NR2F1: variants seen among roughly 807,000 people sequenced by gnomAD.
NR2F1 encodes the protein COUP transcription factor 1.
In NR2F1, 1 loss-of-function variant was observed where a neutral mutation model predicts 37.7. The observed-to-expected ratio is 0.03, with a 90% CI of 0.01 to 0.13. The LOEUF (loss-of-function observed/expected upper bound fraction) is 0.13, where lower values mean the gene tolerates loss of function less well. Ranked by LOEUF, NR2F1 falls within the 10% of genes least tolerant of loss-of-function variation. NR2F1 has a pLI of 1.00. For missense variants in NR2F1, 268 were observed against 578.4 expected (o/e 0.46, Z 5.50); for synonymous variants, 275 against 259.6 (o/e 1.06, Z -0.57).
In NR2F1 at chr5:93,585,125, C is replaced by T. The variant is rs1471924234; in HGVS notation, c.102C>T (p.Gly34=). The T allele has an allele frequency of 1.4e-5, 14 of 1,007,476 alleles. No individual in the cohort carries two copies. The highest frequency in any genetic ancestry group is 1.8e-5 in the African/African-American group (1 of 57,034). 62.4% of individuals were successfully genotyped at this position (1,007,476 alleles called of 1,614,324 possible). The change falls in exon 1 of 3, where the codon GGC becomes GGT. Residue 34 remains glycine (G), a synonymous_variant. Transcript: ENST00000327111. The stretch of plus-strand genomic sequence containing the variant: ...CAGCGCAGGCGGCCCGCGGCGGCGG[C>T]GGCGGCGCCGGCGAGCAGCAGCAGC... The part of the protein sequence containing the change: ...NPAAQAARGG[G]GGAGEQQQQA...
In NR2F1 at chr5:93,585,184, C is replaced by T. The variant is rs779045243; in HGVS notation, c.161C>T (p.Thr54Ile). The change falls in exon 1 of 3, where the codon ACC (threonine) becomes ATC (isoleucine). Residue 54 changes from threonine (T) to isoleucine (I), a missense_variant. Physicochemically the swap from Thr to Ile is moderately conservative, Grantham distance 89. Around this residue, in one of 5 missense-constraint regions of NR2F1, gnomAD observed 90 missense variants for 106.5 expected, o/e 0.85. Coordinates refer to ENST00000327111, the MANE Select transcript of NR2F1 (RefSeq NM_005654.6). ...AGSGAPHTPQ[T>I]PGQPGAPATP... is the part of the protein sequence containing the mutation. ...TCGGGCGCGCCGCACACGCCGCAGA[C>T]CCCGGGCCAGCCCGGAGCGCCCGCC... 6.6e-7 allele frequency: 1 copy of T among 1,512,898 alleles called. No individual in the cohort carries two copies. Among genetic ancestry groups the T allele is most frequent in the Non-Finnish European group, 8.8e-7 (1 of 1,131,806 alleles). The allele number at this position is 1,512,898 out of a possible 1,614,324, so 93.7% of individuals were successfully genotyped here.
chr5:93,588,991 G>A (rs554308710), intron 2 of NR2F1, among the ~76,000 whole-genome samples: 3 of 152,170 alleles, frequency 2.0e-5, no homozygotes, highest in Non-Finnish European at 2.9e-5. Context: ...AGAAGAATAC[G>A]CACAAATAAA....
chr5:93,592,097 A>G (rs1325929419), intron 2 of NR2F1: 1 of 152,240 alleles, frequency 6.6e-6, no homozygotes, highest in Non-Finnish European at 1.5e-5. Flanking sequence ...GCTCGAGGCC[A>G]TAGCCTTGTA....
At position 93,585,051 on chromosome 5, in the gene NR2F1, G is replaced by T. The variant is rs1208119157; in HGVS notation, c.28G>T (p.Asp10Tyr). Residue 10 changes from aspartate to tyrosine, a missense_variant, in exon 1 of 3, where the codon GAT becomes TAT. By Grantham distance (160) the Asp-to-Tyr change is radical (BLOSUM62 -3). This residue lies in a region of NR2F1 where 90 missense variants were observed against 106.5 expected (regional missense o/e 0.85). Transcript: ENST00000327111. MAMVVSSWR[D>Y]PQDDVAGGNP... is the part of the protein sequence containing the mutation. The stretch of plus-strand genomic sequence containing the variant: ...GGCAATGGTAGTTAGCAGCTGGCGA[G>T]ATCCGCAGGACGACGTGGCCGGGGG... 9.7e-7 allele frequency: 1 copy of T among 1,036,182 alleles called. No homozygotes were observed. The highest frequency in any genetic ancestry group is 1.2e-6 in the Non-Finnish European group (1 of 863,406). The allele number at this position is 1,036,182 out of a possible 1,614,324, so 64.2% of individuals were successfully genotyped here. A position where few individuals can be genotyped will look rare whatever the true frequency, so the allele number is the denominator to read the frequency against.
In NR2F1 at chr5:93,593,443, CTTTT is replaced by C; in HGVS notation, c.992-116_992-113del. 9.2e-7 allele frequency: 1 copy of C among 1,086,206 alleles called. No individual in the cohort carries two copies. The highest frequency in any genetic ancestry group is 1.3e-6 in the Non-Finnish European group (1 of 753,996). The allele number at this position is 1,086,206 out of a possible 1,614,324, so 67.3% of individuals were successfully genotyped here. ...TGAATTTTTCTTTTCTCTTTTACTTCTTTTTTATTTTCCATTTTCTCCTTAAAAA... is the reference window on the plus strand; with the variant it reads ...TGAATTTTTCTTTTCTCTTTTACTTCTTATTTTCCATTTTCTCCTTAAAAA... On this transcript the variant is annotated intron_variant, in intron 2 of 2. Coordinates refer to ENST00000327111, the MANE Select transcript of NR2F1 (RefSeq NM_005654.6). The surrounding 1 kb of genome is among the most constrained non-coding windows in gnomAD (Gnocchi z 5.6).
chr5:93,592,630 C>T (rs986392857), intron 2 of NR2F1, among the ~76,000 whole-genome samples: 2 of 151,264 alleles, frequency 1.3e-5, no homozygotes, highest in Non-Finnish European at 2.9e-5. Context: ...CCACCAAAAG[C>T]TTATCTCCCC....
At chr5:93,591,106 G>A (rs1753321983) in intron 2 of NR2F1, among the ~76,000 whole-genome samples, 1 of 152,172 alleles carries the variant, frequency 6.6e-6, no homozygotes, top group Non-Finnish European at 1.5e-5. Flanking sequence ...GCACTACAAA[G>A]GCTAGGCCAG....
rs1753182518 is a variant in NR2F1 at position 93,584,251 on chromosome 5, C to T, written c.-773C>T. 6.7e-6 allele frequency: 1 copy of T among 149,066 alleles called. No individual in the cohort carries two copies. Among genetic ancestry groups the T allele is most frequent in the Admixed American group, 6.7e-5 (1 of 14,976 alleles). The allele number at this position is 149,066 out of a possible 1,614,324, so 9.2% of individuals were successfully genotyped here. A position where few individuals can be genotyped will look rare whatever the true frequency, so the allele number is the denominator to read the frequency against. On this transcript the variant is annotated 5_prime_UTR_variant, in exon 1 of 3. Transcript: ENST00000327111. ...GACTCCGGCCCGGGTCCCGGCTCCTCCAGCGGCGCTCGCCGCAGCAGCTCC... is the reference window on the plus strand; with the variant it reads ...GACTCCGGCCCGGGTCCCGGCTCCTTCAGCGGCGCTCGCCGCAGCAGCTCC...
Position 93,593,364 on chromosome 5 carries a change from T to C in NR2F1, c.992-198T>C, listed in dbSNP as rs1215412651. ...GTTTGATTTATTTTTATTTGTATTG[T>C]ATTGGGGGCGGGGGAGGAGGGAATG... On this transcript the variant is annotated intron_variant, in intron 2 of 2. Coordinates refer to ENST00000327111, the MANE Select transcript of NR2F1 (RefSeq NM_005654.6). The surrounding 1 kb of genome is among the most constrained non-coding windows in gnomAD (Gnocchi z 5.6). Among the ~76,000 whole-genome samples, 1 of 151,324 alleles carries C rather than the reference T, an allele frequency of 6.6e-6. No homozygotes were observed. Among genetic ancestry groups the C allele is most frequent in the African/African-American group, 2.4e-5 (1 of 41,134 alleles).
intron 2 of NR2F1, among the ~76,000 whole-genome samples, chr5:93,589,433 G>A (rs1753294327): frequency 6.6e-6 from 1 of 152,256 alleles, no homozygotes; most frequent in Non-Finnish European, 1.5e-5. Flanking sequence ...AGCAGGTAAT[G>A]GGGAGAAATA....
chr5:93,588,534 C>A (rs1753272307), intron 2 of NR2F1, 90 bp downstream of exon 2: 3 of 934,942 alleles, frequency 3.2e-6, no homozygotes, highest in East Asian at 1.6e-4. Flanking sequence ...GCCTCCCGCG[C>A]GGCCGGTGCG....
chr5:93,590,113 C>T (rs920716574), intron 2 of NR2F1, among the ~76,000 whole-genome samples: 5 of 152,232 alleles, frequency 3.3e-5, no homozygotes, highest in African/African-American at 1.2e-4. Flanking sequence ...GCTGCCTCAG[C>T]TCTGGCAGGC....
intron 1 of NR2F1, among the ~76,000 whole-genome samples, chr5:93,585,967 G>A (rs1378714574): frequency 6.6e-6 from 1 of 151,916 alleles, no homozygotes; most frequent in Non-Finnish European, 1.5e-5. Context: ...ATGGGGGAGG[G>A]CTGGGGGCTG....
rs772383390 is a variant in NR2F1 at position 93,585,188 on chromosome 5, G to C, written c.165G>C (p.Pro55=). 12 of 1,521,670 alleles carry C rather than the reference G, an allele frequency of 7.9e-6. No individual in the cohort carries two copies. In the South Asian group the frequency reaches 1.3e-4, roughly 17 times the overall value. The allele number at this position is 1,521,670 out of a possible 1,614,324, so 94.3% of individuals were successfully genotyped here. A position where few individuals can be genotyped will look rare whatever the true frequency, so the allele number is the denominator to read the frequency against. ...GCGCGCCGCACACGCCGCAGACCCCGGGCCAGCCCGGAGCGCCCGCCACCC... is the reference window on the plus strand; with the variant it reads ...GCGCGCCGCACACGCCGCAGACCCCCGGCCAGCCCGGAGCGCCCGCCACCC... ...GSGAPHTPQT[P]GQPGAPATPG... Residue 55 remains proline, a synonymous_variant, in exon 1 of 3, where the codon CCG becomes CCC. Coordinates refer to ENST00000327111, the MANE Select transcript of NR2F1 (RefSeq NM_005654.6).
At position 93,594,558 on chromosome 5, in the gene NR2F1, CAAGAAT is replaced by C. The variant is rs1753390546; in HGVS notation, c.*717_*722del. 6.6e-6 allele frequency: 1 copy of C among 152,002 alleles called. No homozygotes were observed. The highest frequency in any genetic ancestry group is 2.1e-4 in the South Asian group (1 of 4,808). The allele number at this position is 152,002 out of a possible 1,614,324, so 9.4% of individuals were successfully genotyped here. ...GATATATGTTGTCGAGGCTGTTCTT[CAAGAAT>C]TAAAATTGAAGTGAAAATTTAAACA... is the stretch of plus-strand genomic sequence containing the variant. On this transcript the variant is annotated 3_prime_UTR_variant, in exon 3 of 3. Transcript: ENST00000327111.
At chr5:93,589,181 T>C (rs778694149) in intron 2 of NR2F1, among the ~76,000 whole-genome samples, 1 of 152,154 alleles carries the variant, frequency 6.6e-6, no homozygotes, top group African/African-American at 2.4e-5. Context: ...TGAAGATGAA[T>C]TCCAAAGCTA....
rs1055158846 is a variant in NR2F1 at position 93,585,407 on chromosome 5, T to C, written c.384T>C (p.Cys128=). 1.1e-5 allele frequency: 17 copies of C among 1,613,902 alleles called. No individual in the cohort carries two copies. The highest frequency in any genetic ancestry group is 1.4e-5 in the Non-Finnish European group (16 of 1,180,000). ...ACACATGCCGTGCCAACAGGAACTGTCCCATCGACCAGCACCACCGCAACC... is the reference window on the plus strand; with the variant it reads ...ACACATGCCGTGCCAACAGGAACTGCCCCATCGACCAGCACCACCGCAACC... ...LTYTCRANRN[C]PIDQHHRNQC... is the part of the protein sequence containing the mutation. The change falls in exon 1 of 3, where the codon TGT becomes TGC. Residue 128 remains cysteine (C), a synonymous_variant. Coordinates refer to ENST00000327111, the MANE Select transcript of NR2F1 (RefSeq NM_005654.6).
intron 1 of NR2F1, 113 bp downstream of exon 1, chr5:93,585,599 C>T: frequency 1.2e-6 from 1 of 836,096 alleles, no homozygotes; most frequent in East Asian, 2.7e-5. Context: ...TGGTCCCGGC[C>T]CGTCCCAGCT....
At position 93,588,463 on chromosome 5, in the gene NR2F1, G is replaced by A. The variant is rs781016741; in HGVS notation, c.991+19G>A. On this transcript the variant is annotated intron_variant, in intron 2 of 2. Transcript: ENST00000327111. ...ACGTCAGGTGAGGCTGCGGTCGCGG[G>A]GAGGGCAGGCCGCGCCGGCAGCGAG... 2.0e-6 allele frequency: 3 copies of A among 1,526,630 alleles called. No homozygotes were observed. The highest frequency in any genetic ancestry group is 1.7e-4 in the Middle Eastern group (1 of 5,718). The allele number at this position is 1,526,630 out of a possible 1,614,324, so 94.6% of individuals were successfully genotyped here.
Sources: allele counts gnomAD v4.1 joint callset (sites outside exome capture counted in the v4.1 genomes callset), GRCh38; gene constraint gnomAD v4.1.1; regional missense constraint gnomAD v4.1.1; non-coding constraint Gnocchi (gnomAD v3.1); transcripts MANE v1.5; gene names NCBI Gene and HGNC (gene_info 2026-07-23, HGNC 2026-07-21).